Variants in DLG2 observed in about 807,000 individuals in gnomAD.
DLG2 encodes the protein disks large homolog 2.
DLG2 carries 45 observed loss-of-function variants against 132.5 expected under a neutral mutation model. That is an observed-to-expected ratio of 0.34 (90% CI 0.27 to 0.44). DLG2 has a LOEUF of 0.44. DLG2 is among the 20% of genes least tolerant of loss of function. The pLI, the probability that DLG2 is intolerant of heterozygous loss-of-function variation, is 1.00. For synonymous variants in DLG2, 424 were observed against 419.6 expected (o/e 1.01, Z -0.13); for missense variants, 1,045 against 1,196.9 (o/e 0.87, Z 1.87).
chr11:83,474,115 C>T (rs1033080164), intron 22 of DLG2, among the ~76,000 whole-genome samples: 1 of 152,104 alleles, frequency 6.6e-6, no homozygotes, highest in Non-Finnish European at 1.5e-5. Context: ...GACCTTGATG[C>T]TCCTCCTAAG....
At chr11:85,073,456 G>C (rs1476294009) in intron 6 of DLG2, among the ~76,000 whole-genome samples, 1 of 151,804 alleles carries the variant, frequency 6.6e-6, no homozygotes, top group Non-Finnish European at 1.5e-5. Context: ...GATTGCGTAA[G>C]TAAATTCAGG....
intron 6 of DLG2, among the ~76,000 whole-genome samples, chr11:84,883,073 T>C (rs1177645448): frequency 2.0e-5 from 3 of 152,058 alleles, no homozygotes; most frequent in African/African-American, 7.2e-5. Context: ...TGCCCATCAA[T>C]GATAGACTGG....
intron 18 of DLG2, among the ~76,000 whole-genome samples, chr11:83,694,914 G>A (rs575822283): frequency 6.6e-5 from 10 of 152,332 alleles, no homozygotes; most frequent in African/African-American, 9.6e-5. Context: ...AAAGAGAGAC[G>A]CAGTGGGAAG....
At chr11:83,773,222 C>T (rs999778456) in intron 18 of DLG2, among the ~76,000 whole-genome samples, 3 of 152,108 alleles carry the variant, frequency 2.0e-5, no homozygotes, top group East Asian at 1.9e-4. Context: ...TGACCTTGAG[C>T]GAGTCACTTA....
At chr11:84,737,189 G>T (rs2063949458) in intron 6 of DLG2, among the ~76,000 whole-genome samples, 1 of 151,846 alleles carries the variant, frequency 6.6e-6, no homozygotes, top group Non-Finnish European at 1.5e-5. Context: ...CTGTATTCCT[G>T]AAATAAAGCT....
intron 18 of DLG2, among the ~76,000 whole-genome samples, chr11:83,706,143 G>A (rs1247555633): frequency 6.6e-6 from 1 of 151,740 alleles, no homozygotes; most frequent in Non-Finnish European, 1.5e-5. Flanking sequence ...GCTTGAACCC[G>A]GGAGGCAGAG....
chr11:85,564,758 G>A (rs1467588742), intron 3 of DLG2, among the ~76,000 whole-genome samples: 1 of 151,876 alleles, frequency 6.6e-6, no homozygotes, highest in Non-Finnish European at 1.5e-5. Flanking sequence ...AGGAATTTTA[G>A]AATCAGTTTG....
chr11:84,630,702 C>A (rs1256897108), intron 6 of DLG2, among the ~76,000 whole-genome samples: 1 of 152,058 alleles, frequency 6.6e-6, no homozygotes, highest in Non-Finnish European at 1.5e-5. Flanking sequence ...CACATTATAA[C>A]AATTTTCTTT....
intron 6 of DLG2, among the ~76,000 whole-genome samples, chr11:84,693,432 C>T (rs2058268257): frequency 6.6e-6 from 1 of 151,698 alleles, no homozygotes; most frequent in South Asian, 2.1e-4. Context: ...GCCCTTGTGG[C>T]TAAACCAAGG....
intron 7 of DLG2, among the ~76,000 whole-genome samples, chr11:84,284,533 A>G (rs113490417): frequency 0.034 from 5,164 of 152,308 alleles, 145 homozygotes; most frequent in Non-Finnish European, 0.048. Context: ...GAAAGAAAAC[A>G]AGAGACCTGA....
intron 6 of DLG2, among the ~76,000 whole-genome samples, chr11:84,800,265 T>C (rs1353953432): frequency 6.6e-6 from 1 of 152,188 alleles, no homozygotes; most frequent in Non-Finnish European, 1.5e-5. Flanking sequence ...TTCCTATAAA[T>C]ATAAATTTAT....
At chr11:84,368,167 G>T (rs2098691748) in intron 7 of DLG2, among the ~76,000 whole-genome samples, 1 of 152,110 alleles carries the variant, frequency 6.6e-6, no homozygotes, top group Non-Finnish European at 1.5e-5. Context: ...ACCACTATCA[G>T]CTCTTCTCAT....
At chr11:85,278,106 A>G (rs1227826552) in intron 4 of DLG2, among the ~76,000 whole-genome samples, 1 of 152,212 alleles carries the variant, frequency 6.6e-6, no homozygotes, top group Non-Finnish European at 1.5e-5. Flanking sequence ...AATGTTCACT[A>G]TTTATAAAAC....
chr11:83,873,219 T>C (rs2154066059), intron 16 of DLG2, among the ~76,000 whole-genome samples: 1 of 152,288 alleles, frequency 6.6e-6, no homozygotes, highest in Non-Finnish European at 1.5e-5. Flanking sequence ...ACTTAAACTC[T>C]CTGAGAATCA....
intron 6 of DLG2, among the ~76,000 whole-genome samples, chr11:84,961,724 A>C (rs2052607958): frequency 6.6e-6 from 1 of 152,184 alleles, no homozygotes; most frequent in Non-Finnish European, 1.5e-5. Context: ...AAAATCTCTA[A>C]ATATGCTCCT....
chr11:83,653,797 A>G (rs2071399923), intron 18 of DLG2, among the ~76,000 whole-genome samples: 1 of 151,926 alleles, frequency 6.6e-6, no homozygotes, highest in Non-Finnish European at 1.5e-5. Context: ...ATCTTGGCTC[A>G]TTGCAACCTC....
At chr11:83,573,817 T>A (rs189688675) in intron 19 of DLG2, among the ~76,000 whole-genome samples, 1 of 152,284 alleles carries the variant, frequency 6.6e-6, no homozygotes, top group Non-Finnish European at 1.5e-5. Context: ...ACAGGATAAC[T>A]ACATGTGGTT....
At chr11:84,590,289 C>T (rs755945110) in intron 6 of DLG2, among the ~76,000 whole-genome samples, 1 of 152,160 alleles carries the variant, frequency 6.6e-6, no homozygotes, top group South Asian at 2.1e-4. Flanking sequence ...GCTCAGCAAG[C>T]CCCAAGAGAT....
At chr11:84,727,094 AGATT>A (rs2062572199) in intron 6 of DLG2, among the ~76,000 whole-genome samples, 1 of 152,178 alleles carries the variant, frequency 6.6e-6, no homozygotes, top group Non-Finnish European at 1.5e-5. Flanking sequence ...GAAGCTCTTT[AGATT>A]AATTAGATCC....
Sources: allele counts gnomAD v4.1 joint callset (sites outside exome capture counted in the v4.1 genomes callset), GRCh38; gene constraint gnomAD v4.1.1; transcripts MANE v1.5; gene names NCBI Gene and HGNC (gene_info 2026-07-23, HGNC 2026-07-21).